FAT3: variants seen among roughly 807,000 people sequenced by gnomAD.
The protein encoded by FAT3 is protocadherin Fat 3.
FAT3 carries 95 observed loss-of-function variants against 310.2 expected under a neutral mutation model. The observed-to-expected ratio is 0.31, with a 90% CI of 0.26 to 0.36. FAT3 has a LOEUF of 0.36. FAT3 is among the 10% of genes least tolerant of loss of function. The probability of loss-of-function intolerance (pLI) is 1.00; values close to 1 mark genes in which losing one functional copy is unlikely to be tolerated. For synonymous variants in FAT3, 2,314 were observed against 2,192.9 expected (o/e 1.06, Z -1.54); for missense variants, 5,408 against 5,715.6 (o/e 0.95, Z 1.74).
Position 92,321,327 on chromosome 11 carries a change from C to T in FAT3, c.-17-30769C>T, listed in dbSNP as rs193020123. On this transcript the variant is annotated intron_variant, in intron 1 of 27. Transcript: ENST00000525166. ...TGGCGGGTGCCTGTAGTCCCAGCTCCTTGGGAGGCTGAGGCAGGAGAATGG... is the reference window on the plus strand; with the variant it reads ...TGGCGGGTGCCTGTAGTCCCAGCTCTTTGGGAGGCTGAGGCAGGAGAATGG... Among the ~76,000 whole-genome samples, 96 of 151,928 alleles carry T rather than the reference C, an allele frequency of 6.3e-4. 1 individual carries two copies. The East Asian group carries it at 0.017, about 27-fold the overall frequency.
At chr11:92,772,815 C>G (rs914691493) in intron 6 of FAT3, among the ~76,000 whole-genome samples, 3 of 151,778 alleles carry the variant, frequency 2.0e-5, no homozygotes, top group African/African-American at 7.3e-5. Flanking sequence ...ATTATTTATT[C>G]CATGTCATTG....
intron 3 of FAT3, among the ~76,000 whole-genome samples, chr11:92,632,413 G>A (rs113016101): frequency 8.5e-4 from 129 of 152,318 alleles, no homozygotes; most frequent in Admixed American, 3.6e-3. Context: ...CAAAATGGCC[G>A]AGAGGCAGAC....
chr11:92,530,413 GT>G (rs908236389), intron 3 of FAT3, among the ~76,000 whole-genome samples: 49 of 152,056 alleles, frequency 3.2e-4, no homozygotes, highest in Non-Finnish European at 5.9e-4. Flanking sequence ...AACTTTATGA[GT>G]TACCCCAACA....
intron 2 of FAT3, among the ~76,000 whole-genome samples, chr11:92,500,207 T>G (rs1003864657): frequency 6.6e-6 from 1 of 152,006 alleles, no homozygotes; most frequent in Non-Finnish European, 1.5e-5. Flanking sequence ...CATATATTTA[T>G]TTTTCCCTTT....
At chr11:92,627,811 G>T (rs1198030734) in intron 3 of FAT3, among the ~76,000 whole-genome samples, 2 of 152,146 alleles carry the variant, frequency 1.3e-5, no homozygotes, top group South Asian at 2.1e-4. Flanking sequence ...GATAAATAGG[G>T]TGATGGCATT....
At chr11:92,650,404 A>G (rs543070027) in intron 3 of FAT3, among the ~76,000 whole-genome samples, 5 of 152,272 alleles carry the variant, frequency 3.3e-5, no homozygotes, top group African/African-American at 1.2e-4. Flanking sequence ...TGCACTCATT[A>G]ATACGCACTG....
At chr11:92,778,065 C>CTT (rs1055741926) in intron 7 of FAT3, among the ~76,000 whole-genome samples, 2 of 152,084 alleles carry the variant, frequency 1.3e-5, no homozygotes, top group Non-Finnish European at 2.9e-5. Flanking sequence ...TACTTTCTGA[C>CTT]TTATCCTGGG....
chr11:92,805,374 C>T (rs1385310255), intron 11 of FAT3, 25 bp downstream of exon 11: 7 of 1,585,536 alleles, frequency 4.4e-6, no homozygotes, highest in Non-Finnish European at 6.0e-6. Context: ...TAGGGTTCTG[C>T]TTTTACTCTG....
At chr11:92,540,466 G>C (rs1954409846) in intron 3 of FAT3, among the ~76,000 whole-genome samples, 1 of 152,126 alleles carries the variant, frequency 6.6e-6, no homozygotes, top group South Asian at 2.1e-4. Context: ...TTGTAAAAAA[G>C]CTATTTTAAA....
chr11:92,696,916 T>TA (rs1415260527), intron 3 of FAT3, among the ~76,000 whole-genome samples: 2 of 152,254 alleles, frequency 1.3e-5, no homozygotes, highest in African/African-American at 4.8e-5. Flanking sequence ...AAGTAGCGAT[T>TA]ACAACATTCT....
At chr11:92,356,277 C>T (rs1365364883) in intron 2 of FAT3, among the ~76,000 whole-genome samples, 1 of 152,134 alleles carries the variant, frequency 6.6e-6, no homozygotes, top group Non-Finnish European at 1.5e-5. Context: ...AGATTGTAGA[C>T]ATCTCAAGTG....
chr11:92,509,547 C>G (rs192110412), intron 2 of FAT3, among the ~76,000 whole-genome samples: 1 of 152,270 alleles, frequency 6.6e-6, no homozygotes, highest in East Asian at 1.9e-4. Context: ...GTGTGCTAGA[C>G]ACTCTTCTAG....
chr11:92,662,025 A>G (rs538881133), intron 3 of FAT3, among the ~76,000 whole-genome samples: 8 of 152,134 alleles, frequency 5.3e-5, no homozygotes, highest in African/African-American at 1.7e-4. Flanking sequence ...TTCTACCTCT[A>G]TATTAATATT....
At chr11:92,331,902 G>T (rs1591120753) in intron 1 of FAT3, among the ~76,000 whole-genome samples, 4 of 152,214 alleles carry the variant, frequency 2.6e-5, no homozygotes, top group Non-Finnish European at 1.5e-5. Flanking sequence ...TTGACTAAAG[G>T]GCCATGATGT....
intron 22 of FAT3, among the ~76,000 whole-genome samples, chr11:92,878,634 T>TAAAAAAAAAAA (rs145900689): frequency 3.3e-4 from 7 of 21,202 alleles, no homozygotes; most frequent in African/African-American, 7.1e-4. Flanking sequence ...TGTTATGTGT[T>TAAAAAAAAAAA]AAAAAAAAAA....
At chr11:92,315,555 A>AGAGAGAGAGAGAGAGC (rs1947437727) in intron 1 of FAT3, among the ~76,000 whole-genome samples, 1 of 123,796 alleles carries the variant, frequency 8.1e-6, no homozygotes, top group African/African-American at 2.9e-5. Context: ...AGAGAGAGAG[A>AGAGAGAGAGAGAGAGC]CTGTGTTGCC....
chr11:92,568,310 T>C (rs1791555), intron 3 of FAT3, among the ~76,000 whole-genome samples: 129,225 of 152,084 alleles, frequency 0.85, 55,086 homozygotes, highest in Middle Eastern at 0.92. Context: ...TTAACATGGA[T>C]ATTGTCCCTT....
chr11:92,566,544 G>C (rs1344737451), intron 3 of FAT3, among the ~76,000 whole-genome samples: 1 of 151,886 alleles, frequency 6.6e-6, no homozygotes, highest in Non-Finnish European at 1.5e-5. Flanking sequence ...CTACTTTAAA[G>C]TTCATATGGA....
In FAT3 at chr11:92,801,907, C is replaced by T. The variant is rs371953429; in HGVS notation, c.8894C>T (p.Thr2965Ile). The T allele has an allele frequency of 3.0e-5, 48 of 1,612,004 alleles. No homozygotes were observed. The highest frequency in any genetic ancestry group is 4.0e-5 in the Non-Finnish European group (47 of 1,178,608). The change falls in exon 10 of 28, where the codon ACA becomes ATA. Residue 2965 changes from threonine to isoleucine, a missense_variant and splice_region_variant. Coordinates refer to ENST00000525166, the MANE Select transcript of FAT3 (RefSeq NM_001367949.2). The stretch of plus-strand genomic sequence containing the variant: ...AATCGCCAAGTGAGCTACCATATTA[C>T]AGGTGAGTAAATACCCCCAGTTTTC... Reference protein sequence around the residue: ...DVNRQVSYHITGGNPRGRFAL... With the variant: ...DVNRQVSYHIIGGNPRGRFAL...
Sources: gnomAD v4.1 joint callset for allele counts (sites outside exome capture counted in the v4.1 genomes callset) on GRCh38, gnomAD v4.1.1 for gene constraint, MANE v1.5 for transcripts, NCBI Gene and HGNC (gene_info 2026-07-23, HGNC 2026-07-21) for gene names.